The following CD5 variants were observed in gnomAD, a reference collection of about 807,000 sequenced individuals.
CD5 encodes CD5 molecule, also known as T-cell surface glycoprotein CD5.
A neutral mutation model predicts 60.3 loss-of-function variants in CD5; 36 were observed. The observed-to-expected ratio is 0.60, with a 90% CI of 0.46 to 0.79. CD5 has a LOEUF of 0.79. CD5 is among the 30% of genes least tolerant of loss of function. The probability of loss-of-function intolerance (pLI) is 0.00; values close to 1 mark genes in which losing one functional copy is unlikely to be tolerated. For missense variants in CD5, 540 were observed against 630.6 expected, an observed-to-expected ratio of 0.86 and a Z score of 1.54; for synonymous variants, 230 against 257.6, an observed-to-expected ratio of 0.89 and a Z score of 1.03.
At chr11:61,107,977 C>T (rs1860800519) in intron 1 of CD5, among the ~76,000 whole-genome samples, 1 of 152,168 alleles carries the variant, frequency 6.6e-6, no homozygotes, top group African/African-American at 2.4e-5. Flanking sequence ...CTGGGGTAGA[C>T]TCCCACAGGC....
At chr11:61,108,239 G>A (rs534913412) in intron 1 of CD5, among the ~76,000 whole-genome samples, 7 of 152,292 alleles carry the variant, frequency 4.6e-5, no homozygotes, top group African/African-American at 9.6e-5. Flanking sequence ...TATATGGTGC[G>A]AAACTCATGC....
intron 1 of CD5, 142 bp from the exon 2 acceptor site, chr11:61,114,914 T>A (rs1260030568): frequency 1.6e-6 from 1 of 611,002 alleles, no homozygotes; most frequent in Non-Finnish European, 2.7e-6. Context: ...ACCTGGAGTA[T>A]GAAAATTCCT....
intron 1 of CD5, among the ~76,000 whole-genome samples, chr11:61,114,139 G>A (rs1156829666): frequency 1.3e-5 from 2 of 152,024 alleles, no homozygotes. Flanking sequence ...AAAAAACAGG[G>A]TCTTACTCTG....
At chr11:61,111,611 CCCCGACAAA>C (rs1310898054) in intron 1 of CD5, among the ~76,000 whole-genome samples, 1 of 152,208 alleles carries the variant, frequency 6.6e-6, no homozygotes, top group Non-Finnish European at 1.5e-5. Flanking sequence ...TCATTTAATA[CCCCGACAAA>C]CCCATTGCAA....
chr11:61,109,393 G>A (rs962246666), intron 1 of CD5, among the ~76,000 whole-genome samples: 5 of 152,220 alleles, frequency 3.3e-5, no homozygotes, highest in Non-Finnish European at 7.3e-5. Context: ...CGAAACAGAA[G>A]TCAAGGGCCA....
At position 61,118,609 on chromosome 11, in the gene CD5, C is replaced by A; in HGVS notation, c.400+129C>A. 1 of 863,208 alleles carries A rather than the reference C, an allele frequency of 1.2e-6. No individual in the cohort carries two copies. Among genetic ancestry groups the A allele is most frequent in the Middle Eastern group, 3.4e-4 (1 of 2,914 alleles). 53.5% of individuals were successfully genotyped at this position (863,208 alleles called of 1,614,324 possible). A position where few individuals can be genotyped will look rare whatever the true frequency, so the allele number is the denominator to read the frequency against. On this transcript the variant is annotated intron_variant, in intron 3 of 10. Coordinates refer to ENST00000347785, the MANE Select transcript of CD5 (RefSeq NM_014207.4). This position sits in a 1 kb window ranked among gnomAD's most constrained non-coding sequence, Gnocchi z 4.7. ...GTGGGGGGACCCCAGTTTATAACCACTCCCCAAGACACATACCCAGGAGGG... is the reference window on the plus strand; with the variant it reads ...GTGGGGGGACCCCAGTTTATAACCAATCCCCAAGACACATACCCAGGAGGG...
chr11:61,096,496 G>A, the CD5 span, among the ~76,000 whole-genome samples: 1 of 152,198 alleles, frequency 6.6e-6, no homozygotes, highest in East Asian at 1.9e-4. Flanking sequence ...AGAGCAACAG[G>A]AGTTTCCACT....
Position 61,118,428 on chromosome 11 carries a change from C to T in CD5, c.348C>T (p.Asn116=). The change falls in exon 3 of 11, where the codon AAC becomes AAT. Residue 116 remains asparagine, a synonymous_variant. Transcript: ENST00000347785. The surrounding 1 kb of genome is among the most constrained non-coding windows in gnomAD (Gnocchi z 4.7). The part of the protein sequence containing the change: ...ICYGQLGSFS[N]CSHSRNDMCH... ...ACGGACAACTGGGCTCCTTCTCCAA[C>T]TGCAGCCACAGCAGAAATGACATGT... is the stretch of plus-strand genomic sequence containing the variant. 1 of 1,614,282 alleles carries T rather than the reference C, an allele frequency of 6.2e-7. No homozygotes were observed. The highest frequency in any genetic ancestry group is 1.1e-5 in the South Asian group (1 of 91,090).
intron 1 of CD5, among the ~76,000 whole-genome samples, chr11:61,103,606 T>C (rs1015396341): frequency 6.6e-6 from 1 of 151,018 alleles, no homozygotes; most frequent in Non-Finnish European, 1.5e-5. Context: ...AGTCTATGTG[T>C]GTCTGTGTGA....
At chr11:61,110,128 G>A (rs1035192760) in intron 1 of CD5, among the ~76,000 whole-genome samples, 3 of 152,082 alleles carry the variant, frequency 2.0e-5, no homozygotes, top group African/African-American at 7.2e-5. Flanking sequence ...ACCCCTGTGA[G>A]AAGCAACTAA....
At chr11:61,120,283 C>T (rs374957023) in intron 5 of CD5, among the ~76,000 whole-genome samples, 1 of 152,134 alleles carries the variant, frequency 6.6e-6, no homozygotes, top group East Asian at 1.9e-4. Context: ...CGCCTCCCTC[C>T]GGAAGTAGTG....
chr11:61,099,588 T>C (rs1860630664), upstream of CD5, among the ~76,000 whole-genome samples: 1 of 124,626 alleles, frequency 8.0e-6, no homozygotes, highest in Non-Finnish European at 1.6e-5. Flanking sequence ...TTCACACATA[T>C]CAACATGGAG....
At chr11:61,096,340 G>A in the CD5 span, among the ~76,000 whole-genome samples, 1 of 152,244 alleles carries the variant, frequency 6.6e-6, no homozygotes, top group Non-Finnish European at 1.5e-5. Context: ...GACTGAAGGG[G>A]ACCGGGCGCA....
intron 9 of CD5, 46 bp downstream of exon 9, chr11:61,125,197 A>G: frequency 1.2e-6 from 2 of 1,610,438 alleles, no homozygotes; most frequent in Non-Finnish European, 1.7e-6. Context: ...GGGCTGCAGC[A>G]GGCCGCCAAG....
intron 1 of CD5, among the ~76,000 whole-genome samples, chr11:61,113,532 G>A (rs1485658493): frequency 2.6e-5 from 4 of 152,186 alleles, no homozygotes; most frequent in African/African-American, 7.2e-5. Flanking sequence ...GGCAGGTCAC[G>A]CCATCTCTTT....
chr11:61,122,789 C>A, intron 6 of CD5, 118 bp from the exon 7 acceptor site: 2 of 1,115,592 alleles, frequency 1.8e-6, no homozygotes, highest in East Asian at 2.4e-5. Context: ...TCCGTGCATG[C>A]TGGTGAATTT....
At position 61,125,791 on chromosome 11, in the gene CD5, C is replaced by G; in HGVS notation, c.1440C>G (p.Asp480Glu). 6.2e-7 allele frequency: 1 copy of G among 1,612,922 alleles called. No individual in the cohort carries two copies. Among genetic ancestry groups the G allele is most frequent in the Non-Finnish European group, 8.5e-7 (1 of 1,179,332 alleles). ...TGCATCGCTCCTCCATGCAGCCTGA[C>G]AACTCCTCCGACAGTGACTATGATC... ...GALHRSSMQP[D>E]NSSDSDYDLH... Residue 480 changes from aspartate (D) to glutamate (E), a missense_variant, in exon 10 of 11, where the codon GAC becomes GAG. Physicochemically the swap from Asp to Glu is conservative, Grantham distance 45. Coordinates refer to ENST00000347785, the MANE Select transcript of CD5 (RefSeq NM_014207.4).
chr11:61,106,284 C>T (rs950056857), intron 1 of CD5, among the ~76,000 whole-genome samples: 3 of 152,058 alleles, frequency 2.0e-5, no homozygotes, highest in South Asian at 2.1e-4. Flanking sequence ...TCTAAGGAGG[C>T]GAGGTCTCAT....
intron 7 of CD5, among the ~76,000 whole-genome samples, chr11:61,123,467 C>T (rs1161590888): frequency 6.6e-6 from 1 of 152,140 alleles, no homozygotes; most frequent in Admixed American, 6.6e-5. Context: ...CAATCGCACA[C>T]CTTGTGAACG....
Sources: allele counts gnomAD v4.1 joint callset (sites outside exome capture counted in the v4.1 genomes callset), GRCh38; gene constraint gnomAD v4.1.1; non-coding constraint Gnocchi (gnomAD v3.1); transcripts MANE v1.5; gene names NCBI Gene and HGNC (gene_info 2026-07-23, HGNC 2026-07-21).